The following CC2D1A variants were observed in gnomAD, a reference collection of about 807,000 sequenced individuals.
CC2D1A encodes the protein coiled-coil and C2 domain containing 1A.
CC2D1A carries 68 observed loss-of-function variants against 123.8 expected under a neutral mutation model. That is an observed-to-expected ratio of 0.55 (90% CI 0.45 to 0.67). The LOEUF (loss-of-function observed/expected upper bound fraction) is 0.67. Among genes scored for constraint, CC2D1A ranks in the 30% least tolerant of loss-of-function variants. CC2D1A has a pLI of 0.00. For missense variants in CC2D1A, 1,185 were observed against 1,290.3 expected (o/e 0.92, Z 1.25); for synonymous variants, 477 against 528.0 (o/e 0.90, Z 1.32).
rs773170502 is a variant in CC2D1A at position 13,926,511 on chromosome 19, C to T, written c.1941-6C>T. The T allele has an allele frequency of 5.6e-6, 9 of 1,613,648 alleles. No individual in the cohort carries two copies. Among genetic ancestry groups the T allele is most frequent in the African/African-American group, 2.7e-5 (2 of 75,026 alleles). On this transcript the variant is annotated splice_polypyrimidine_tract_variant and splice_region_variant and intron_variant, in intron 17 of 28. Transcript: ENST00000318003. ...CCACCTGCCTGCCCACCTGCCCACCCGGAAGGATCTTCCCTGACCTCAGCA... is the reference window on the plus strand; with the variant it reads ...CCACCTGCCTGCCCACCTGCCCACCTGGAAGGATCTTCCCTGACCTCAGCA...
At chr19:13,913,876 A>C (rs1394222211) in intron 6 of CC2D1A, among the ~76,000 whole-genome samples, 1 of 152,102 alleles carries the variant, frequency 6.6e-6, no homozygotes, top group Non-Finnish European at 1.5e-5. Context: ...TTGCCATTAA[A>C]AATTATTTTA....
At chr19:13,913,723 A>G (rs1971103533) in intron 6 of CC2D1A, 85 bp downstream of exon 6, 1 of 1,035,326 alleles carries the variant, frequency 9.7e-7, no homozygotes, top group Non-Finnish European at 1.4e-6. Context: ...CCGGCTGTGC[A>G]CTGATTGTGA....
intron 17 of CC2D1A, among the ~76,000 whole-genome samples, chr19:13,924,853 C>T (rs569848993): frequency 1.3e-5 from 2 of 152,204 alleles, no homozygotes; most frequent in East Asian, 3.9e-4. Flanking sequence ...CTTACCCTGG[C>T]TCCCCCATCT....
intron 14 of CC2D1A, among the ~76,000 whole-genome samples, chr19:13,922,895 A>G (rs1568415530): frequency 6.6e-6 from 1 of 152,116 alleles, no homozygotes; most frequent in Non-Finnish European, 1.5e-5. Flanking sequence ...TGGAAGGATC[A>G]AGAAGAAAGA....
rs768676876 is a variant in CC2D1A, at chr19:13,920,873, A to G, written c.1592A>G (p.Glu531Gly). 2 of 1,614,124 alleles carry G rather than the reference A, an allele frequency of 1.2e-6. No individual in the cohort carries two copies. The highest frequency in any genetic ancestry group is 2.2e-5 in the South Asian group (2 of 91,088). Residue 531 changes from glutamate (E) to glycine (G), a missense_variant, in exon 14 of 29, where the codon GAG (glutamate) becomes GGG (glycine). Coordinates refer to ENST00000318003, the MANE Select transcript of CC2D1A (RefSeq NM_017721.5). ...CACCTGCGCCAAGCCAAGGGACTGG[A>G]GCCTATGCTGGAGGCCTCGCGCAAT... ...KMHLRQAKGL[E>G]PMLEASRNGL...
At chr19:13,915,370 C>T (rs772547389) in intron 6 of CC2D1A, among the ~76,000 whole-genome samples, 9 of 152,158 alleles carry the variant, frequency 5.9e-5, no homozygotes, top group Non-Finnish European at 8.8e-5. Context: ...CTCAGCTTCT[C>T]GAGTAGCTGG....
In CC2D1A at chr19:13,913,649, G is replaced by A. The variant is rs1356829809; in HGVS notation, c.748+11G>A. The A allele has an allele frequency of 2.5e-6, 4 of 1,575,774 alleles. No individual in the cohort carries two copies. In the Admixed American group the frequency reaches 5.4e-5, roughly 21 times the overall value. ...CCCAGATGCCCCCAGGTAGGTGATG[G>A]GCAGGGCCGGGCTGATATGGGATCC... On this transcript the variant is annotated intron_variant, in intron 6 of 28. Coordinates refer to ENST00000318003, the MANE Select transcript of CC2D1A (RefSeq NM_017721.5).
intron 22 of CC2D1A, 79 bp from the exon 23 acceptor site, chr19:13,927,812 GTC>G: frequency 7.4e-7 from 1 of 1,351,232 alleles, no homozygotes; most frequent in African/African-American, 1.5e-5. Context: ...AAAAAAACCA[GTC>G]TTGTTCTCCC....
Position 13,930,117 on chromosome 19 carries a change from C to T in CC2D1A, c.2750C>T (p.Thr917Met), listed in dbSNP as rs777274248. The T allele has an allele frequency of 9.9e-6, 16 of 1,612,552 alleles. No individual in the cohort carries two copies. The highest frequency in any genetic ancestry group is 5.5e-5 in the South Asian group (5 of 91,060). ...AQLERQLQFY[T>M]EAARRLGNDG... ...CTGGAGCGGCAGCTGCAGTTCTACACGGAGGCTGCCCGGCGCCTGGGCAAC... is the reference window on the plus strand; with the variant it reads ...CTGGAGCGGCAGCTGCAGTTCTACATGGAGGCTGCCCGGCGCCTGGGCAAC... Residue 917 changes from threonine to methionine, a missense_variant, in exon 27 of 29, where the codon ACG (threonine) becomes ATG (methionine). Coordinates refer to ENST00000318003, the MANE Select transcript of CC2D1A (RefSeq NM_017721.5). This position sits in a 1 kb window ranked among gnomAD's most constrained non-coding sequence, Gnocchi z 6.8.
chr19:13,924,295 C>G (rs1371031371), intron 17 of CC2D1A, among the ~76,000 whole-genome samples: 1 of 152,030 alleles, frequency 6.6e-6, no homozygotes, highest in Admixed American at 6.6e-5. Flanking sequence ...CTCAGCCTCC[C>G]GAGAAGCTGG....
Position 13,930,279 on chromosome 19 carries a change from TAG to T in CC2D1A, c.2830_2831del (p.Ser944Ter), listed in dbSNP as rs761827146. ...GAGGCGCTCTATAGGCGGAATCTGG[TAG>T]AGAGTGAGGTAAGCAGCTTAGGAGA... On this transcript the variant is annotated frameshift_variant, in exon 28 of 29. Transcript: ENST00000318003. LOFTEE classifies it high-confidence loss of function. This position sits in a 1 kb window ranked among gnomAD's most constrained non-coding sequence, Gnocchi z 6.8. The T allele has an allele frequency of 2.5e-5, 41 of 1,613,512 alleles. No individual in the cohort carries two copies. The highest frequency in any genetic ancestry group is 5.0e-5 in the Admixed American group (3 of 59,964).
intron 22 of CC2D1A, 42 bp downstream of exon 22, chr19:13,927,307 G>A: frequency 1.3e-6 from 2 of 1,496,180 alleles, no homozygotes; most frequent in South Asian, 1.1e-5. Context: ...GTATGGCCAT[G>A]CTACTCGTTA....
Position 13,920,936 on chromosome 19 carries a change from G to T in CC2D1A, c.1641+14G>T, listed in dbSNP as rs944795590. On this transcript the variant is annotated intron_variant, in intron 14 of 28. Coordinates refer to ENST00000318003, the MANE Select transcript of CC2D1A (RefSeq NM_017721.5). The stretch of plus-strand genomic sequence containing the variant: ...GACATCACCAAGGTGAACCTTCTGG[G>T]CTTGTGGGAACTGCCCAGGCACCCA... 1.1e-5 allele frequency: 17 copies of T among 1,602,498 alleles called. No homozygotes were observed. Among genetic ancestry groups the T allele is most frequent in the African/African-American group, 2.7e-5 (2 of 74,598 alleles).
chr19:13,914,729 A>G (rs904419953), intron 6 of CC2D1A, among the ~76,000 whole-genome samples: 1 of 148,484 alleles, frequency 6.7e-6, no homozygotes, highest in African/African-American at 2.5e-5. Flanking sequence ...CCTGCCTCCC[A>G]GGCTCAAGCA....
chr19:13,930,508 G>C lies in CC2D1A; in HGVS notation c.*113G>C. 8.0e-7 allele frequency: 1 copy of C among 1,256,014 alleles called. No individual in the cohort carries two copies. The highest frequency in any genetic ancestry group is 1.1e-6 in the Non-Finnish European group (1 of 929,174). 77.8% of individuals were successfully genotyped at this position (1,256,014 alleles called of 1,614,324 possible). A position where few individuals can be genotyped will look rare whatever the true frequency, so the allele number is the denominator to read the frequency against. ...GACAATCAGCGGACAATCGGTTCTG[G>C]ACTCACCCCTCATCCGGGCCCCCAG... is the stretch of plus-strand genomic sequence containing the variant. On this transcript the variant is annotated 3_prime_UTR_variant, in exon 29 of 29. Coordinates refer to ENST00000318003, the MANE Select transcript of CC2D1A (RefSeq NM_017721.5). The surrounding 1 kb of genome is among the most constrained non-coding windows in gnomAD (Gnocchi z 6.8).
At chr19:13,925,994 A>ATG (rs1183225627) in intron 17 of CC2D1A, among the ~76,000 whole-genome samples, 1 of 129,718 alleles carries the variant, frequency 7.7e-6, no homozygotes, top group Non-Finnish European at 1.5e-5. Flanking sequence ...ATATACATAT[A>ATG]TGTGTGTATA....
In CC2D1A at chr19:13,912,531, G is replaced by C. The variant is rs2145307697; in HGVS notation, c.316G>C (p.Glu106Gln). The C allele has an allele frequency of 2.5e-6, 4 of 1,614,126 alleles. No homozygotes were observed. Among genetic ancestry groups the C allele is most frequent in the Admixed American group, 1.7e-5 (1 of 60,016 alleles). Reference sequence around the variant, plus strand: ...CCCTGGCTGTGTGTCCCTGCAGGCGGAGCTAAATGAGGTCCTTGGAGAGGA... The same window carrying C: ...CCCTGGCTGTGTGTCCCTGCAGGCGCAGCTAAATGAGGTCCTTGGAGAGGA... Reference protein sequence around the residue: ...DLEADDDLLAELNEVLGEEQK... With the variant: ...DLEADDDLLAQLNEVLGEEQK... The change falls in exon 4 of 29, where the codon GAG (glutamate) becomes CAG (glutamine). Residue 106 changes from glutamate to glutamine, a missense_variant. Coordinates refer to ENST00000318003, the MANE Select transcript of CC2D1A (RefSeq NM_017721.5).
Position 13,920,633 on chromosome 19 carries a change from C to T in CC2D1A, c.1433C>T (p.Thr478Ile). ...ACTCCCCAGTCGGGATCAGCCCCAA[C>T]AGCCAAAGCGCCCCCCAAAGCCACA... The part of the protein sequence containing the change: ...SRTPQSGSAP[T>I]AKAPPKATST... Residue 478 changes from threonine to isoleucine, a missense_variant, in exon 13 of 29, where the codon ACA becomes ATA. By Grantham distance (89) the Thr-to-Ile change is moderately conservative (BLOSUM62 -1). Transcript: ENST00000318003. The T allele has an allele frequency of 1.2e-6, 2 of 1,611,144 alleles. No individual in the cohort carries two copies. Among genetic ancestry groups the T allele is most frequent in the Non-Finnish European group, 1.7e-6 (2 of 1,178,650 alleles).
In CC2D1A at chr19:13,920,619, G is replaced by A. The variant is rs373165331; in HGVS notation, c.1419G>A (p.Ser473=). 1.8e-5 allele frequency: 29 copies of A among 1,611,152 alleles called. No homozygotes were observed. Among genetic ancestry groups the A allele is most frequent in the Middle Eastern group, 3.3e-4 (2 of 6,072 alleles). ...CCCCACCCTCAAGAACTCCCCAGTCGGGATCAGCCCCAACAGCCAAAGCGC... is the reference window on the plus strand; with the variant it reads ...CCCCACCCTCAAGAACTCCCCAGTCAGGATCAGCCCCAACAGCCAAAGCGC... ...PKAPPSRTPQ[S]GSAPTAKAPP... Residue 473 remains serine (S), a synonymous_variant, in exon 13 of 29, where the codon TCG becomes TCA. Transcript: ENST00000318003.
Sources: allele counts gnomAD v4.1 joint callset (sites outside exome capture counted in the v4.1 genomes callset), GRCh38; gene constraint gnomAD v4.1.1; non-coding constraint Gnocchi (gnomAD v3.1); transcripts MANE v1.5; gene names NCBI Gene and HGNC (gene_info 2026-07-23, HGNC 2026-07-21).